ATRNL1: variants seen among roughly 807,000 people sequenced by gnomAD.
ATRNL1 encodes attractin like 1.
Under a neutral mutation model 182.7 loss-of-function variants are expected in ATRNL1, and 95 were observed. That is an observed-to-expected ratio of 0.52 (90% CI 0.44 to 0.62). The LOEUF is 0.62. Among genes scored for constraint, ATRNL1 ranks in the 20% least tolerant of loss-of-function variants. The probability of loss-of-function intolerance (pLI) is 0.00; values close to 1 mark genes in which losing one functional copy is unlikely to be tolerated. For synonymous variants in ATRNL1, 576 were observed against 568.3 expected (o/e 1.01, Z -0.19); for missense variants, 1,471 against 1,679.5 (o/e 0.88, Z 2.17).
At chr10:115,220,728 G>GC (rs1393824557) in intron 9 of ATRNL1, among the ~76,000 whole-genome samples, 2 of 91,976 alleles carry the variant, frequency 2.2e-5, no homozygotes, top group Admixed American at 2.2e-4. Context: ...AAATAATGGG[G>GC]GGGGGGGGGC....
intron 26 of ATRNL1, among the ~76,000 whole-genome samples, chr10:115,688,382 A>G (rs1946286659): frequency 6.6e-6 from 1 of 151,652 alleles, no homozygotes; most frequent in Non-Finnish European, 1.5e-5. Context: ...TTTATGAGAA[A>G]CCTCTCTACT....
Position 115,098,356 on chromosome 10 carries a change from A to G in ATRNL1, c.293+4313A>G, listed in dbSNP as rs1039995190. On this transcript the variant is annotated intron_variant, in intron 1 of 28. Transcript: ENST00000355044. ...AAAGTGTCACATTCCTTTTGGCCTT[A>G]GTGCATTTTATACACGTAACTGTGA... 2.0e-5 allele frequency among the ~76,000 whole-genome samples: 3 copies of G among 148,144 alleles called. No individual in the cohort carries two copies. In the East Asian group the frequency reaches 6.1e-4, roughly 30 times the overall value.
chr10:115,447,267 T>C (rs1847047166), intron 21 of ATRNL1, among the ~76,000 whole-genome samples: 1 of 151,822 alleles, frequency 6.6e-6, no homozygotes, highest in Non-Finnish European at 1.5e-5. Context: ...CTTAACGCCT[T>C]GCTCTATTTG....
intron 19 of ATRNL1, among the ~76,000 whole-genome samples, chr10:115,336,956 C>T (rs1464335853): frequency 4.3e-5 from 6 of 140,274 alleles, no homozygotes; most frequent in African/African-American, 1.3e-4. Context: ...AGCAATTCTC[C>T]TGCCTCAGCC....
At chr10:115,871,469 T>TATATATATATATATATATATATATATATA (rs1951579875) in intron 28 of ATRNL1, among the ~76,000 whole-genome samples, 1 of 140,296 alleles carries the variant, frequency 7.1e-6, no homozygotes, top group African/African-American at 2.6e-5. Context: ...GTCAGATTCT[T>TATATATATATATATATATATATATATATA]TGTGTGTGTG....
At chr10:115,345,837 G>A (rs1855951435) in intron 19 of ATRNL1, among the ~76,000 whole-genome samples, 1 of 152,068 alleles carries the variant, frequency 6.6e-6, no homozygotes, top group South Asian at 2.1e-4. Context: ...TCATATAAAT[G>A]GAATCACAGT....
At chr10:115,104,177 C>T (rs1162250003) in intron 1 of ATRNL1, among the ~76,000 whole-genome samples, 2 of 152,140 alleles carry the variant, frequency 1.3e-5, no homozygotes, top group Non-Finnish European at 2.9e-5. Context: ...AAGAGGGTTC[C>T]CTTTTCTCTA....
At chr10:115,299,256 A>G (rs918568540) in intron 15 of ATRNL1, among the ~76,000 whole-genome samples, 4 of 152,014 alleles carry the variant, frequency 2.6e-5, no homozygotes, top group Admixed American at 1.3e-4. Flanking sequence ...ATCATTTTTA[A>G]TATAAGAACA....
intron 27 of ATRNL1, among the ~76,000 whole-genome samples, chr10:115,731,630 A>G (rs1163032848): frequency 6.7e-6 from 1 of 149,458 alleles, no homozygotes; most frequent in Non-Finnish European, 1.5e-5. Context: ...ATATACCAAT[A>G]GTTATTATAT....
intron 24 of ATRNL1, among the ~76,000 whole-genome samples, chr10:115,487,790 G>A (rs1469181421): frequency 1.3e-5 from 2 of 152,126 alleles, no homozygotes; most frequent in Non-Finnish European, 2.9e-5. Flanking sequence ...ATGAGAGAGG[G>A]CATCCTTGTC....
chr10:115,856,084 A>G (rs1351815989), intron 28 of ATRNL1, among the ~76,000 whole-genome samples: 1 of 152,152 alleles, frequency 6.6e-6, no homozygotes, highest in Non-Finnish European at 1.5e-5. Context: ...AACCTCACAA[A>G]AGATAACTGG....
chr10:115,759,613 AAAAGT>A (rs1460595099), intron 27 of ATRNL1, among the ~76,000 whole-genome samples: 3 of 152,144 alleles, frequency 2.0e-5, no homozygotes, highest in African/African-American at 7.2e-5. Context: ...ATTTGTATTA[AAAAGT>A]AAAGATGATA....
At chr10:115,399,627 T>C (rs1844461938) in intron 20 of ATRNL1, among the ~76,000 whole-genome samples, 1 of 152,104 alleles carries the variant, frequency 6.6e-6, no homozygotes, top group Middle Eastern at 3.4e-3. Context: ...CCTGGATGCA[T>C]TGATCTTTTT....
rs570650666 is a variant in ATRNL1, at chr10:115,797,883, A to C, written c.3904-49994A>C. On this transcript the variant is annotated intron_variant, in intron 27 of 28. Coordinates refer to ENST00000355044, the MANE Select transcript of ATRNL1 (RefSeq NM_207303.4). ...AAATTCTTCTCAGTCAATGTTGCAA[A>C]TACTTCAGTGAGACAGTCTAATTTT... Among the ~76,000 whole-genome samples the C allele has an allele frequency of 1.0e-3, 156 of 152,274 alleles. 7 individuals are homozygous for C. The South Asian group carries it at 0.023, about 22-fold the overall frequency.
chr10:115,695,848 C>A (rs1946540287), intron 26 of ATRNL1, among the ~76,000 whole-genome samples: 1 of 151,908 alleles, frequency 6.6e-6, no homozygotes, highest in African/African-American at 2.4e-5. Context: ...AGGATACAAC[C>A]TTATTCTATT....
chr10:115,771,675 A>T (rs970486409), intron 27 of ATRNL1, among the ~76,000 whole-genome samples: 24 of 152,184 alleles, frequency 1.6e-4, no homozygotes, highest in Non-Finnish European at 2.9e-5. Flanking sequence ...CTTCCTTGAG[A>T]ACGCTTTCAG....
At chr10:115,401,582 A>G (rs1844565814) in intron 20 of ATRNL1, among the ~76,000 whole-genome samples, 1 of 152,156 alleles carries the variant, frequency 6.6e-6, no homozygotes, top group South Asian at 2.1e-4. Flanking sequence ...CCTAGCTTAA[A>G]ATGTGGACAG....
At chr10:115,234,693 C>T (rs1226962672) in intron 9 of ATRNL1, among the ~76,000 whole-genome samples, 1 of 150,658 alleles carries the variant, frequency 6.6e-6, no homozygotes, top group Admixed American at 6.6e-5. Context: ...CAGGTTCAAG[C>T]GATCCTCTCA....
At chr10:115,591,666 A>G (rs1555012310) in intron 26 of ATRNL1, among the ~76,000 whole-genome samples, 1 of 152,140 alleles carries the variant, frequency 6.6e-6, no homozygotes, top group Non-Finnish European at 1.5e-5. Context: ...AGCTTTCTCA[A>G]CCTTTCTTCT....
Sources: gnomAD v4.1 joint callset for allele counts (sites outside exome capture counted in the v4.1 genomes callset) on GRCh38, gnomAD v4.1.1 for gene constraint, MANE v1.5 for transcripts, NCBI Gene and HGNC (gene_info 2026-07-23, HGNC 2026-07-21) for gene names.